The following EPHA2 variants were observed in gnomAD, a reference collection of about 807,000 sequenced individuals.
The protein encoded by EPHA2 is ephrin type-A receptor 2.
A neutral mutation model predicts 104.9 loss-of-function variants in EPHA2; 54 were observed. The ratio of observed to expected loss-of-function variants is 0.51; its 90% CI spans 0.41 to 0.65. EPHA2 has a LOEUF of 0.65. Among genes scored for constraint, EPHA2 ranks in the 30% least tolerant of loss-of-function variants. The probability of loss-of-function intolerance (pLI) is 0.00; values close to 1 mark genes in which losing one functional copy is unlikely to be tolerated. For missense variants in EPHA2, 1,117 were observed against 1,369.5 expected, an observed-to-expected ratio of 0.82 and a Z score of 2.91; for synonymous variants, 560 against 559.1, an observed-to-expected ratio of 1.00 and a Z score of -0.02.
In EPHA2 at chr1:16,135,108, G is replaced by C. The variant is rs1045391499; in HGVS notation, c.1510C>G (p.Leu504Val). ...TGCGTCAGTGCCTGCACCTGGACCAGGTAGGTGGTGTCTGGGGCCAGGTCG... is the reference window on the plus strand; with the variant it reads ...TGCGTCAGTGCCTGCACCTGGACCACGTAGGTGGTGTCTGGGGCCAGGTCG... ...LDDLAPDTTYLVQVQALTQEG... is the reference protein window; with the variant it reads ...LDDLAPDTTYVVQVQALTQEG... Residue 504 changes from leucine to valine, a missense_variant, in exon 7 of 17, where the codon CTG becomes GTG. Around this residue, in one of 3 missense-constraint regions of EPHA2, gnomAD observed 664 missense variants for 784.8 expected, o/e 0.85. Coordinates refer to ENST00000358432, the MANE Select transcript of EPHA2 (RefSeq NM_004431.5). The surrounding 1 kb of genome is among the most constrained non-coding windows in gnomAD (Gnocchi z 4.3). 6.2e-7 allele frequency: 1 copy of C among 1,614,010 alleles called. No homozygotes were observed. Among genetic ancestry groups the C allele is most frequent in the Non-Finnish European group, 8.5e-7 (1 of 1,180,028 alleles).
chr1:16,151,076 G>A, intron 1 of EPHA2, 113 bp from the exon 2 acceptor site: 1 of 984,208 alleles, frequency 1.0e-6, no homozygotes, highest in South Asian at 1.3e-5. Flanking sequence ...GAGCGAGAGG[G>A]ACCCCACCAC....
rs886838289 is a variant in EPHA2, at chr1:16,131,285, G to T, written c.2475+436C>A. On this transcript the variant is annotated intron_variant, in intron 14 of 16. Coordinates refer to ENST00000358432, the MANE Select transcript of EPHA2 (RefSeq NM_004431.5). The surrounding 1 kb of genome is among the most constrained non-coding windows in gnomAD (Gnocchi z 5.2). Reference sequence around the variant, plus strand: ...GGCCTGGCACGCAGTAGATCCTCAAGAAATATTTACGGGGCTGGGTGCGGT... The same window carrying T: ...GGCCTGGCACGCAGTAGATCCTCAATAAATATTTACGGGGCTGGGTGCGGT... Among the ~76,000 whole-genome samples the T allele has an allele frequency of 6.6e-6, 1 of 152,100 alleles. No homozygotes were observed. The highest frequency in any genetic ancestry group is 1.5e-5 in the Non-Finnish European group (1 of 68,032).
At position 16,134,393 on chromosome 1, in the gene EPHA2, G is replaced by A. The variant is rs1252270148; in HGVS notation, c.1682+75C>T. The A allele has an allele frequency of 6.8e-7, 1 of 1,469,472 alleles. No individual in the cohort carries two copies. Among genetic ancestry groups the A allele is most frequent in the Admixed American group, 1.8e-5 (1 of 56,954 alleles). The allele number at this position is 1,469,472 out of a possible 1,614,324, so 91.0% of individuals were successfully genotyped here. ...AGCATCCTGTGGGCCCCATCGTTCA[G>A]ATGAGGAAATGGAGGTTCCTGCCCC... On this transcript the variant is annotated intron_variant, in intron 8 of 16. Coordinates refer to ENST00000358432, the MANE Select transcript of EPHA2 (RefSeq NM_004431.5). The surrounding 1 kb of genome is among the most constrained non-coding windows in gnomAD (Gnocchi z 4.5).
intron 5 of EPHA2, among the ~76,000 whole-genome samples, chr1:16,137,608 G>A (rs576970352): frequency 1.3e-5 from 2 of 152,290 alleles, no homozygotes; most frequent in African/African-American, 4.8e-5. Context: ...AAAAAAAAGG[G>A]AAAAATATTG....
At chr1:16,147,158 G>A (rs1257705795) in intron 3 of EPHA2, among the ~76,000 whole-genome samples, 1 of 152,210 alleles carries the variant, frequency 6.6e-6, no homozygotes, top group African/African-American at 2.4e-5. Flanking sequence ...ACCACGCCAC[G>A]GCTTCCTCCA....
At chr1:16,126,692 G>A (rs548973741) in intron 16 of EPHA2, among the ~76,000 whole-genome samples, 2 of 152,372 alleles carry the variant, frequency 1.3e-5, no homozygotes, top group South Asian at 4.1e-4. Flanking sequence ...CCACGGTGAA[G>A]GAGACAGGAC....
At chr1:16,143,401 C>A (rs1037800708) in intron 3 of EPHA2, among the ~76,000 whole-genome samples, 1 of 152,056 alleles carries the variant, frequency 6.6e-6, no homozygotes, top group Non-Finnish European at 1.5e-5. Flanking sequence ...GGATGCCTAC[C>A]TGCCTTACAC....
rs748513356 is a variant in EPHA2 at position 16,156,013 on chromosome 1, C to T, written c.-81G>A. The T allele has an allele frequency of 2.1e-5, 26 of 1,227,826 alleles. No homozygotes were observed. Among genetic ancestry groups the T allele is most frequent in the Non-Finnish European group, 2.7e-5 (25 of 934,108 alleles). 76.1% of individuals were successfully genotyped at this position (1,227,826 alleles called of 1,614,324 possible). The stretch of plus-strand genomic sequence containing the variant: ...ACGCCTGCACGCCGGCCTCGGTGTC[C>T]GCTCCCGCCCGCCGGCCTGCGCGCA... On this transcript the variant is annotated 5_prime_UTR_variant, in exon 1 of 17. Coordinates refer to ENST00000358432, the MANE Select transcript of EPHA2 (RefSeq NM_004431.5).
Position 16,145,341 on chromosome 1 carries a change from C to T in EPHA2, c.823+3037G>A, listed in dbSNP as rs142521751. On this transcript the variant is annotated intron_variant, in intron 3 of 16. Coordinates refer to ENST00000358432, the MANE Select transcript of EPHA2 (RefSeq NM_004431.5). ...CCTGACATAGTTCATGGGAGCGCTC[C>T]GGGCAGCGTGCCCACCTGCCGCACA... Among the ~76,000 whole-genome samples, 18 of 152,354 alleles carry T rather than the reference C, an allele frequency of 1.2e-4. No homozygotes were observed. The East Asian group carries it at 2.9e-3, about 24-fold the overall frequency.
Sources: allele counts gnomAD v4.1 joint callset (sites outside exome capture counted in the v4.1 genomes callset), GRCh38; gene constraint gnomAD v4.1.1; regional missense constraint gnomAD v4.1.1; non-coding constraint Gnocchi (gnomAD v3.1); transcripts MANE v1.5; gene names NCBI Gene and HGNC (gene_info 2026-07-23, HGNC 2026-07-21).